Variants in TXK observed in about 807,000 individuals in gnomAD.
TXK encodes the protein TXK tyrosine kinase.
TXK carries 60 observed loss-of-function variants against 81.0 expected under a neutral mutation model. The ratio of observed to expected loss-of-function variants is 0.74; its 90% CI spans 0.60 to 0.92. The LOEUF is 0.92. TXK is among the 40% of genes least tolerant of loss of function. TXK has a pLI of 0.00. For missense variants in TXK, 581 were observed against 638.3 expected (o/e 0.91, Z 0.97); for synonymous variants, 203 against 210.7 (o/e 0.96, Z 0.32).
intron 12 of TXK, among the ~76,000 whole-genome samples, chr4:48,074,667 G>A (rs1169008062): frequency 2.0e-5 from 3 of 152,040 alleles, no homozygotes; most frequent in Admixed American, 6.5e-5. Context: ...ATTGTACACC[G>A]GGATGTCCAA....
intron 6 of TXK, 74 bp downstream of exon 6, chr4:48,104,827 C>T (rs1182017550): frequency 8.7e-7 from 1 of 1,147,506 alleles, no homozygotes; most frequent in Non-Finnish European, 1.3e-6. Flanking sequence ...AAATAATATA[C>T]TTTTTTAGTT....
At chr4:48,122,210 T>C (rs529096392) in intron 1 of TXK, among the ~76,000 whole-genome samples, 35 of 152,306 alleles carry the variant, frequency 2.3e-4, no homozygotes, top group African/African-American at 8.2e-4. Flanking sequence ...TAGCTACATG[T>C]TCCACAAGAG....
intron 14 of TXK, among the ~76,000 whole-genome samples, chr4:48,067,921 C>T (rs1716673395): frequency 1.3e-5 from 2 of 152,168 alleles, no homozygotes; most frequent in African/African-American, 4.8e-5. Context: ...AACTTGCTGG[C>T]AGAGACCTGA....
chr4:48,099,065 AT>A (rs1284978516), intron 6 of TXK, among the ~76,000 whole-genome samples: 1 of 152,228 alleles, frequency 6.6e-6, no homozygotes. Context: ...AAAGTACTAT[AT>A]TAAAATTATA....
chr4:48,067,506 C>A lies in TXK; in HGVS notation c.*131G>T. 1 of 933,556 alleles carries A rather than the reference C, an allele frequency of 1.1e-6. No individual in the cohort carries two copies. Among genetic ancestry groups the A allele is most frequent in the Non-Finnish European group, 1.7e-6 (1 of 598,370 alleles). 57.8% of individuals were successfully genotyped at this position (933,556 alleles called of 1,614,324 possible). On this transcript the variant is annotated 3_prime_UTR_variant, in exon 15 of 15. Transcript: ENST00000264316. ...TTTTAAAACTTTTAAAAACTGTGAT[C>A]TTTGCACTGTTTTCAAGAGTCAGCA...
intron 12 of TXK, among the ~76,000 whole-genome samples, chr4:48,075,848 T>C (rs532755007): frequency 6.6e-6 from 1 of 152,192 alleles, no homozygotes; most frequent in South Asian, 2.1e-4. Flanking sequence ...ACTTGGACTT[T>C]GAAGCTTAGG....
chr4:48,103,768 CCTTT>C (rs1427661127), intron 6 of TXK, among the ~76,000 whole-genome samples: 3 of 152,176 alleles, frequency 2.0e-5, no homozygotes, highest in African/African-American at 7.2e-5. Context: ...TCTACTCTTT[CCTTT>C]GTTTCCAAAG....
At chr4:48,120,092 C>T (rs368008450) in intron 1 of TXK, among the ~76,000 whole-genome samples, 6 of 130,576 alleles carry the variant, frequency 4.6e-5, no homozygotes, top group East Asian at 2.3e-4. Flanking sequence ...CACACACACA[C>T]GTACACAAAT....
chr4:48,100,292 T>C (rs955709747), intron 6 of TXK, among the ~76,000 whole-genome samples: 4 of 147,568 alleles, frequency 2.7e-5, no homozygotes, highest in Admixed American at 2.0e-4. Flanking sequence ...CTGCAGGAAA[T>C]AATGCCACAT....
intron 13 of TXK, among the ~76,000 whole-genome samples, chr4:48,073,491 G>T (rs1248017375): frequency 1.3e-5 from 2 of 152,164 alleles, no homozygotes; most frequent in African/African-American, 4.8e-5. Flanking sequence ...GGAAGTAAAT[G>T]AGATGCCACC....
chr4:48,069,492 A>AT (rs1181872791), intron 14 of TXK, among the ~76,000 whole-genome samples: 3 of 151,292 alleles, frequency 2.0e-5, no homozygotes, highest in African/African-American at 2.4e-5. Flanking sequence ...TGCCCAGCTA[A>AT]TTTTTTTGTA....
intron 10 of TXK, among the ~76,000 whole-genome samples, chr4:48,084,556 C>T (rs1213221642): frequency 6.6e-6 from 1 of 152,126 alleles, no homozygotes; most frequent in Non-Finnish European, 1.5e-5. Context: ...TTTAATCCAA[C>T]ACAGGAATAC....
chr4:48,073,760 A>T (rs1716954522), intron 13 of TXK, among the ~76,000 whole-genome samples, 175 bp downstream of exon 13: 1 of 152,260 alleles, frequency 6.6e-6, no homozygotes, highest in Non-Finnish European at 1.5e-5. Context: ...GTAAGAAGGT[A>T]TGTGACACCA....
At chr4:48,121,539 C>A (rs1053375879) in intron 1 of TXK, among the ~76,000 whole-genome samples, 2 of 152,182 alleles carry the variant, frequency 1.3e-5, no homozygotes, top group African/African-American at 4.8e-5. Flanking sequence ...TGCTTAAGAT[C>A]CTTATATAAA....
At chr4:48,106,192 AAAACAAGATTTTT>A (rs1241629402) in intron 5 of TXK, 2 of 152,216 alleles carry the variant, frequency 1.3e-5, no homozygotes, top group Non-Finnish European at 2.9e-5. Context: ...CAAGCACTCA[AAAACAAGATTTTT>A]AAGAAGGTTT....
intron 5 of TXK, 135 bp downstream of exon 5, chr4:48,110,403 T>C (rs1311325692): frequency 6.2e-6 from 4 of 646,656 alleles, no homozygotes; most frequent in African/African-American, 1.9e-5. Context: ...ATGATAAGGA[T>C]CAAACGTCTC....
rs1553880175 is a variant in TXK at position 48,104,502 on chromosome 4, AT to A, written c.501+398del. Among the ~76,000 whole-genome samples the A allele has an allele frequency of 5.2e-3, 9 of 1,738 alleles. 3 individuals are homozygous for A. Among genetic ancestry groups the A allele is most frequent in the Admixed American group, 0.026 (2 of 76 alleles). 1.1% of individuals were successfully genotyped at this position (1,738 alleles called of 152,430 possible). ...ATATATATAATATATAATATTATAT[AT>A]TATATATATAATATATAATATTATA... On this transcript the variant is annotated intron_variant, in intron 6 of 14. Transcript: ENST00000264316.
chr4:48,126,404 T>C (rs1309578992), intron 1 of TXK, among the ~76,000 whole-genome samples: 1 of 152,258 alleles, frequency 6.6e-6, no homozygotes, highest in Admixed American at 6.5e-5. Flanking sequence ...TCAACATTTA[T>C]GTTATTGAGG....
chr4:48,086,612 C>A lies in TXK; in HGVS notation c.810G>T (p.Glu270Asp). 1 of 1,614,018 alleles carries A rather than the reference C, an allele frequency of 6.2e-7. No individual in the cohort carries two copies. Among genetic ancestry groups the A allele is most frequent in the South Asian group, 1.1e-5 (1 of 91,072 alleles). ...TTCCAATCTCCTTTATAAAAGCCAA[C>A]TCAGATGGATCTATCTCCCACTTTT... ...SYEKWEIDPS[E>D]LAFIKEIGSG... Residue 270 changes from glutamate to aspartate, a missense_variant, in exon 10 of 15, where the codon GAG (glutamate) becomes GAT (aspartate). Coordinates refer to ENST00000264316, the MANE Select transcript of TXK (RefSeq NM_003328.3).
Sources: allele counts gnomAD v4.1 joint callset (sites outside exome capture counted in the v4.1 genomes callset), GRCh38; gene constraint gnomAD v4.1.1; transcripts MANE v1.5; gene names NCBI Gene and HGNC (gene_info 2026-07-23, HGNC 2026-07-21).